CSTPP1: variants seen among roughly 807,000 people sequenced by gnomAD.
The protein encoded by CSTPP1 is UPF0705 protein C11orf49.
At chr11:47,144,930 T>C in the CSTPP1 span, among the ~76,000 whole-genome samples, 1 of 151,482 alleles carries the variant, frequency 6.6e-6, no homozygotes, top group Non-Finnish European at 1.5e-5. Context: ...GTGATACTGA[T>C]GGTCTGGGAA....
At chr11:47,161,552 T>G in the CSTPP1 span, 3 of 1,613,926 alleles carry the variant, frequency 1.9e-6, no homozygotes, top group African/African-American at 4.0e-5. Context: ...CCGGGTTGGC[T>G]CTCCCTGGAG....
chr11:47,111,411 T>C, the CSTPP1 span, among the ~76,000 whole-genome samples: 2 of 152,206 alleles, frequency 1.3e-5, no homozygotes, highest in South Asian at 4.1e-4. Context: ...CGGTGGTTTG[T>C]AGTCATTTTC....
At chr11:47,071,363 T>A in the CSTPP1 span, among the ~76,000 whole-genome samples, 1 of 152,200 alleles carries the variant, frequency 6.6e-6, no homozygotes, top group Admixed American at 6.5e-5. Flanking sequence ...GTCAGGTTAA[T>A]TTTTCCAAGC....
At chr11:47,009,702 CAGA>C in the CSTPP1 span, among the ~76,000 whole-genome samples, 1 of 152,118 alleles carries the variant, frequency 6.6e-6, no homozygotes, top group Admixed American at 6.5e-5. Context: ...GAGGCTGAGG[CAGA>C]AGAATTGCTT....
At chr11:47,058,133 T>C in the CSTPP1 span, among the ~76,000 whole-genome samples, 7 of 152,110 alleles carry the variant, frequency 4.6e-5, no homozygotes, top group African/African-American at 1.7e-4. Flanking sequence ...CAGGAGTTCA[T>C]GACCAGCTTG....
At chr11:47,119,485 A>T in the CSTPP1 span, among the ~76,000 whole-genome samples, 5 of 151,918 alleles carry the variant, frequency 3.3e-5, no homozygotes, top group Non-Finnish European at 7.4e-5. Context: ...AGTCCCAGTG[A>T]GATGAACCAG....
the CSTPP1 span, among the ~76,000 whole-genome samples, chr11:47,028,436 A>G: frequency 1.3e-5 from 2 of 152,214 alleles, no homozygotes; most frequent in South Asian, 2.1e-4. Flanking sequence ...AGAATAATAG[A>G]TAACAACAGC....
chr11:46,978,909 G>A, the CSTPP1 span, among the ~76,000 whole-genome samples: 1 of 152,102 alleles, frequency 6.6e-6, no homozygotes, highest in East Asian at 1.9e-4. Flanking sequence ...ATGAGATCCT[G>A]TTACTGTTAG....
the CSTPP1 span, among the ~76,000 whole-genome samples, chr11:47,118,264 G>A: frequency 7.9e-5 from 12 of 151,824 alleles, no homozygotes; most frequent in East Asian, 1.9e-4. Flanking sequence ...TTGTGCATGC[G>A]TCACGAAGTT....
the CSTPP1 span, among the ~76,000 whole-genome samples, chr11:47,113,597 C>A: frequency 6.6e-6 from 1 of 152,182 alleles, no homozygotes; most frequent in Non-Finnish European, 1.5e-5. Context: ...TCTCTGATGA[C>A]CAGTGATGAT....
At chr11:47,129,703 C>T in the CSTPP1 span, among the ~76,000 whole-genome samples, 1 of 152,118 alleles carries the variant, frequency 6.6e-6, no homozygotes, top group East Asian at 1.9e-4. Context: ...AGCCTAAAAA[C>T]CTGATCAGAT....
chr11:47,153,466 C>T, the CSTPP1 span, among the ~76,000 whole-genome samples: 5 of 152,276 alleles, frequency 3.3e-5, no homozygotes, highest in Middle Eastern at 0.014. Context: ...AGTGTTTTTG[C>T]TCTGCAGCTT....
chr11:47,055,985 T>C, the CSTPP1 span, among the ~76,000 whole-genome samples: 2 of 152,248 alleles, frequency 1.3e-5, no homozygotes, highest in South Asian at 4.1e-4. Context: ...TGCTATGTTA[T>C]CAGAGGTTAT....
chr11:46,985,003 T>C, the CSTPP1 span, among the ~76,000 whole-genome samples: 8 of 152,094 alleles, frequency 5.3e-5, no homozygotes, highest in Non-Finnish European at 1.2e-4. Flanking sequence ...GCTTCACTCT[T>C]AGTTTTGGCC....
At chr11:46,995,530 A>G in the CSTPP1 span, among the ~76,000 whole-genome samples, 1 of 152,162 alleles carries the variant, frequency 6.6e-6, no homozygotes, top group South Asian at 2.1e-4. Flanking sequence ...TCATTTCATT[A>G]TGTACCCAGT....
At chr11:47,061,521 G>A in the CSTPP1 span, among the ~76,000 whole-genome samples, 1 of 152,152 alleles carries the variant, frequency 6.6e-6, no homozygotes, top group Admixed American at 6.5e-5. Flanking sequence ...ATTCAGTGAG[G>A]ATTAATAGCG....
the CSTPP1 span, chr11:47,161,859 T>C: frequency 2.2e-6 from 3 of 1,339,884 alleles, no homozygotes; most frequent in Non-Finnish European, 2.9e-6. Context: ...GCCTGTGAAC[T>C]TCACTTAGGC....
the CSTPP1 span, among the ~76,000 whole-genome samples, chr11:46,947,438 G>A: frequency 6.6e-6 from 1 of 152,178 alleles, no homozygotes; most frequent in Non-Finnish European, 1.5e-5. Flanking sequence ...AAACACAACT[G>A]AACTTACAAA....
At chr11:46,978,020 T>G in the CSTPP1 span, among the ~76,000 whole-genome samples, 1 of 152,234 alleles carries the variant, frequency 6.6e-6, no homozygotes, top group Non-Finnish European at 1.5e-5. Flanking sequence ...GGCACAGTCC[T>G]AAAGTGGTTG....
Sources: allele counts gnomAD v4.1 joint callset (sites outside exome capture counted in the v4.1 genomes callset), GRCh38; gene constraint gnomAD v4.1.1; transcripts MANE v1.5; gene names NCBI Gene and HGNC (gene_info 2026-07-23, HGNC 2026-07-21).